The following RPS6KC1 variants were observed in gnomAD, a reference collection of about 807,000 sequenced individuals.
RPS6KC1 encodes ribosomal protein S6 kinase C1, also known as inactive ribosomal protein S6 kinase delta-1.
In RPS6KC1, 54 loss-of-function variants were observed where a neutral mutation model predicts 103.8. That is an observed-to-expected ratio of 0.52 (90% CI 0.42 to 0.65). RPS6KC1 has a LOEUF of 0.65. RPS6KC1 is among the 30% of genes least tolerant of loss of function. The probability of loss-of-function intolerance (pLI) is 0.00; values close to 1 mark genes in which losing one functional copy is unlikely to be tolerated. For missense variants in RPS6KC1, 1,151 were observed against 1,253.8 expected (o/e 0.92, Z 1.24); for synonymous variants, 439 against 438.7 (o/e 1.00, Z -0.01).
chr1:213,509,838 C>T, the RPS6KC1 span, among the ~76,000 whole-genome samples: 1 of 138,006 alleles, frequency 7.2e-6, no homozygotes, highest in Admixed American at 7.1e-5. Context: ...GTGATTCTTG[C>T]AGCCATTTTT....
the RPS6KC1 span, among the ~76,000 whole-genome samples, chr1:213,363,710 CT>C: frequency 5.6e-5 from 6 of 106,520 alleles, no homozygotes; most frequent in African/African-American, 2.9e-4. Flanking sequence ...TTCCTTCTTT[CT>C]TTCTTTCTTT....
At chr1:213,109,941 G>A (rs942484643) in intron 4 of RPS6KC1, among the ~76,000 whole-genome samples, 3 of 151,564 alleles carry the variant, frequency 2.0e-5, no homozygotes, top group African/African-American at 7.3e-5. Context: ...TCCTTATTAT[G>A]GCTAAATAAT....
At chr1:213,302,629 C>T in the RPS6KC1 span, among the ~76,000 whole-genome samples, 5 of 152,178 alleles carry the variant, frequency 3.3e-5, no homozygotes, top group Non-Finnish European at 7.3e-5. Flanking sequence ...GCGGGGTTGA[C>T]GTGTCGTGGA....
At chr1:213,711,891 G>A in the RPS6KC1 span, among the ~76,000 whole-genome samples, 8 of 152,118 alleles carry the variant, frequency 5.3e-5, no homozygotes, top group East Asian at 3.9e-4. Flanking sequence ...AGGAAGCTTC[G>A]TCCCCGAAGG....
At chr1:213,584,389 C>T in the RPS6KC1 span, among the ~76,000 whole-genome samples, 3 of 152,170 alleles carry the variant, frequency 2.0e-5, no homozygotes, top group Non-Finnish European at 2.9e-5. Flanking sequence ...ATGTGGTTCA[C>T]CAGATTTTCC....
At chr1:213,215,638 G>A (rs953987219) in intron 8 of RPS6KC1, among the ~76,000 whole-genome samples, 3 of 152,164 alleles carry the variant, frequency 2.0e-5, no homozygotes, top group East Asian at 1.9e-4. Context: ...GAAAGGTCGG[G>A]TTACCCATGA....
the RPS6KC1 span, among the ~76,000 whole-genome samples, chr1:213,784,856 A>C: frequency 5.9e-5 from 9 of 152,174 alleles, no homozygotes; most frequent in Non-Finnish European, 1.0e-4. Flanking sequence ...ATAAACTTTC[A>C]GATACCATGA....
At chr1:213,382,321 G>A in the RPS6KC1 span, among the ~76,000 whole-genome samples, 2 of 152,166 alleles carry the variant, frequency 1.3e-5, no homozygotes, top group Non-Finnish European at 2.9e-5. Context: ...ATCTGTCTCC[G>A]AAGCCTCCTT....
At chr1:213,696,499 T>C in the RPS6KC1 span, among the ~76,000 whole-genome samples, 2 of 83,568 alleles carry the variant, frequency 2.4e-5, no homozygotes, top group African/African-American at 1.3e-4. Context: ...TGAAACTCCG[T>C]CTCAAAAAAA....
chr1:213,211,958 TGA>T (rs1303457003), intron 8 of RPS6KC1, among the ~76,000 whole-genome samples: 21 of 152,108 alleles, frequency 1.4e-4, no homozygotes, highest in Admixed American at 1.2e-3. Context: ...ACAGCAAAAT[TGA>T]GAGAGAGACA....
chr1:213,192,674 C>A (rs1262647508), intron 8 of RPS6KC1, among the ~76,000 whole-genome samples: 1 of 152,054 alleles, frequency 6.6e-6, no homozygotes, highest in Admixed American at 6.6e-5. Context: ...GTTTGTTGAT[C>A]TCTTGTATTG....
At chr1:213,328,523 TATATATATATATATATATCA>T in the RPS6KC1 span, among the ~76,000 whole-genome samples, 203 of 136,110 alleles carry the variant, frequency 1.5e-3, no homozygotes, top group Non-Finnish European at 2.3e-3. Context: ...TATATATATA[TATATATATATATATATATCA>T]CACACACACG....
chr1:213,631,980 G>C, the RPS6KC1 span, among the ~76,000 whole-genome samples: 3 of 152,090 alleles, frequency 2.0e-5, no homozygotes, highest in Admixed American at 2.0e-4. Context: ...GTCCTTTTGA[G>C]AATGTCACAT....
At chr1:213,184,026 T>C (rs1047224352) in intron 8 of RPS6KC1, among the ~76,000 whole-genome samples, 2 of 152,132 alleles carry the variant, frequency 1.3e-5, no homozygotes, top group African/African-American at 4.8e-5. Flanking sequence ...ATGGACCAAT[T>C]CATAGAAAAG....
the RPS6KC1 span, among the ~76,000 whole-genome samples, chr1:213,372,290 A>G: frequency 6.6e-6 from 1 of 152,216 alleles, no homozygotes; most frequent in Non-Finnish European, 1.5e-5. Context: ...GTTGACAAGC[A>G]TAAGCTCAGC....
the RPS6KC1 span, among the ~76,000 whole-genome samples, chr1:213,775,646 G>T: frequency 6.6e-6 from 1 of 152,154 alleles, no homozygotes; most frequent in Non-Finnish European, 1.5e-5. Flanking sequence ...CTTCCATGTT[G>T]ATGGCTGCTG....
chr1:213,846,272 C>T, the RPS6KC1 span, among the ~76,000 whole-genome samples: 1 of 151,930 alleles, frequency 6.6e-6, no homozygotes, highest in Non-Finnish European at 1.5e-5. Flanking sequence ...TGCACTCCAG[C>T]CTGGGTGACA....
At chr1:213,398,260 G>A in the RPS6KC1 span, among the ~76,000 whole-genome samples, 1 of 146,986 alleles carries the variant, frequency 6.8e-6, no homozygotes, top group Non-Finnish European at 1.5e-5. Context: ...TGCCCAGGCT[G>A]GTCTTGAACT....
chr1:213,566,483 T>C, the RPS6KC1 span, among the ~76,000 whole-genome samples: 2 of 113,788 alleles, frequency 1.8e-5, no homozygotes, highest in Non-Finnish European at 3.5e-5. Flanking sequence ...TTTTTTTTTT[T>C]TTTTTTTTGG....
Sources: allele counts gnomAD v4.1 joint callset (sites outside exome capture counted in the v4.1 genomes callset), GRCh38; gene constraint gnomAD v4.1.1; transcripts MANE v1.5; gene names NCBI Gene and HGNC (gene_info 2026-07-23, HGNC 2026-07-21).